YEATS2: variants seen among roughly 807,000 people sequenced by gnomAD.
YEATS2 encodes the protein YEATS domain-containing protein 2.
YEATS2 carries 77 observed loss-of-function variants against 163.2 expected under a neutral mutation model. The observed-to-expected ratio is 0.47, with a 90% CI of 0.39 to 0.57. The LOEUF (loss-of-function observed/expected upper bound fraction) is 0.57, where lower values mean the gene tolerates loss of function less well. Among genes scored for constraint, YEATS2 ranks in the 20% least tolerant of loss-of-function variants. YEATS2 has a pLI of 0.00. For synonymous variants in YEATS2, 631 were observed against 645.1 expected (o/e 0.98, Z 0.33); for missense variants, 1,549 against 1,729.8 (o/e 0.90, Z 1.85).
intron 13 of YEATS2, 84 bp from the exon 14 acceptor site, chr3:183,761,423 C>T: frequency 8.0e-7 from 1 of 1,243,792 alleles, no homozygotes; most frequent in Non-Finnish European, 1.2e-6. Flanking sequence ...GAGAATGTCA[C>T]AGGTTTGTAT....
intron 6 of YEATS2, among the ~76,000 whole-genome samples, chr3:183,725,410 G>C (rs1716981544): frequency 6.6e-6 from 1 of 152,092 alleles, no homozygotes; most frequent in Non-Finnish European, 1.5e-5. Context: ...CATTGTATTA[G>C]TCTGTTTTCA....
chr3:183,808,124 G>A lies in YEATS2; in HGVS notation c.4086+20G>A, dbSNP rs1424485029. 2.6e-6 allele frequency: 4 copies of A among 1,547,528 alleles called. No homozygotes were observed. The highest frequency in any genetic ancestry group is 4.9e-5 in the East Asian group (2 of 40,738). ...CTGAAGGTGGGTGCCTGCAGGGGCC[G>A]CCAGCCAGGAAGGATGGTTGCATCC... On this transcript the variant is annotated intron_variant, in intron 29 of 30. Transcript: ENST00000305135.
At chr3:183,780,408 C>T (rs1168552166) in intron 19 of YEATS2, among the ~76,000 whole-genome samples, 2 of 152,212 alleles carry the variant, frequency 1.3e-5, no homozygotes, top group Non-Finnish European at 2.9e-5. Flanking sequence ...GGCAGATTCT[C>T]CTGGCGTGTC....
intron 13 of YEATS2, among the ~76,000 whole-genome samples, chr3:183,759,728 C>T (rs972008575): frequency 1.4e-4 from 22 of 152,170 alleles, no homozygotes; most frequent in African/African-American, 5.3e-4. Flanking sequence ...ATGCACTTAG[C>T]GAGCCCTCAG....
At chr3:183,736,876 C>A in intron 8 of YEATS2, 47 bp downstream of exon 8, 1 of 1,527,112 alleles carries the variant, frequency 6.5e-7, no homozygotes, top group Non-Finnish European at 9.0e-7. Flanking sequence ...CTCTTTTTAC[C>A]AGCTACAATT....
rs370202265 is a variant in YEATS2 at position 183,790,789 on chromosome 3, G to T, written c.2914-8G>T. On this transcript the variant is annotated splice_region_variant and splice_polypyrimidine_tract_variant and intron_variant, in intron 20 of 30. Coordinates refer to ENST00000305135, the MANE Select transcript of YEATS2 (RefSeq NM_018023.5). Reference sequence around the variant, plus strand: ...AACTGTGTTGTTTCGGACCCCATGGGTGAGCAGTCTGAAGGAATGGCTCCC... The same window carrying T: ...AACTGTGTTGTTTCGGACCCCATGGTTGAGCAGTCTGAAGGAATGGCTCCC... 6.2e-7 allele frequency: 1 copy of T among 1,612,196 alleles called. No individual in the cohort carries two copies. Among genetic ancestry groups the T allele is most frequent in the Non-Finnish European group, 8.5e-7 (1 of 1,178,516 alleles).
intron 21 of YEATS2, among the ~76,000 whole-genome samples, chr3:183,797,544 C>CAATAAATAAATAAATAAATAAATA (rs111590921): frequency 1.4e-5 from 2 of 142,926 alleles, no homozygotes; most frequent in African/African-American, 5.3e-5. Context: ...GTCTCTAACA[C>CAATAAATAAATAAATAAATAAATA]AATAAATAAA....
At chr3:183,728,893 C>G in intron 7 of YEATS2, 42 bp downstream of exon 7, 3 of 1,547,358 alleles carry the variant, frequency 1.9e-6, no homozygotes, top group Non-Finnish European at 2.6e-6. Flanking sequence ...GAAATGCAGA[C>G]TTATTTTTGA....
At chr3:183,789,663 G>A (rs1472369687) in intron 20 of YEATS2, among the ~76,000 whole-genome samples, 6 of 149,496 alleles carry the variant, frequency 4.0e-5, no homozygotes, top group African/African-American at 4.9e-5. Context: ...AGCCTCCTGA[G>A]TAGCTGAGAT....
chr3:183,730,396 G>A (rs943577398), intron 7 of YEATS2, among the ~76,000 whole-genome samples: 1 of 152,042 alleles, frequency 6.6e-6, no homozygotes, highest in Non-Finnish European at 1.5e-5. Context: ...CTGTGGAAGT[G>A]GTTGTTGGTT....
At chr3:183,701,249 T>G (rs1714060359) in intron 1 of YEATS2, among the ~76,000 whole-genome samples, 1 of 151,592 alleles carries the variant, frequency 6.6e-6, no homozygotes, top group Admixed American at 6.6e-5. Context: ...CCTGGCTAAG[T>G]TTTTTTGCTT....
chr3:183,803,465 A>C, intron 26 of YEATS2, 130 bp downstream of exon 26: 8 of 958,556 alleles, frequency 8.3e-6, no homozygotes, highest in Non-Finnish European at 1.2e-5. Flanking sequence ...AAAAAATCTC[A>C]TTTTTCAAAG....
At chr3:183,794,955 A>G (rs984016421) in intron 21 of YEATS2, among the ~76,000 whole-genome samples, 9 of 151,142 alleles carry the variant, frequency 6.0e-5, no homozygotes, top group Admixed American at 2.0e-4. Flanking sequence ...AGATTGCTTG[A>G]GCTTGGGAGT....
chr3:183,799,986 C>T (rs568301219), intron 23 of YEATS2, among the ~76,000 whole-genome samples: 48 of 152,076 alleles, frequency 3.2e-4, no homozygotes, highest in African/African-American at 1.2e-3. Context: ...GCGCCCGCCA[C>T]CACGCCCGGC....
chr3:183,718,377 T>C (rs928609674), intron 3 of YEATS2, 123 bp from the exon 4 acceptor site: 3 of 693,260 alleles, frequency 4.3e-6, no homozygotes, highest in South Asian at 2.2e-5. Context: ...TGTTTTTCTT[T>C]TGATTGTTAG....
At chr3:183,765,375 A>G (rs1372087435) in intron 15 of YEATS2, among the ~76,000 whole-genome samples, 1 of 152,208 alleles carries the variant, frequency 6.6e-6, no homozygotes, top group African/African-American at 2.4e-5. Flanking sequence ...AGTGATGCTG[A>G]ACAACTGTAC....
chr3:183,770,385 C>CA (rs777581437), intron 15 of YEATS2, among the ~76,000 whole-genome samples: 2 of 151,526 alleles, frequency 1.3e-5, no homozygotes, highest in South Asian at 2.1e-4. Flanking sequence ...CAAAAAAAAA[C>CA]AAAAAACAAA....
At chr3:183,743,626 G>A (rs1039459590) in intron 8 of YEATS2, among the ~76,000 whole-genome samples, 3 of 152,000 alleles carry the variant, frequency 2.0e-5, no homozygotes, top group Non-Finnish European at 2.9e-5. Flanking sequence ...CATTAGAGGC[G>A]TGAACCACCT....
At position 183,806,824 on chromosome 3, in the gene YEATS2, T is replaced by C. The variant is rs745714368; in HGVS notation, c.3785-42T>C. On this transcript the variant is annotated intron_variant, in intron 27 of 30. Transcript: ENST00000305135. ...CTTGGAGACGGAAAGTCCTCTTCCG[T>C]TGGCCCCACAGCTGTTGTAACACTG... 5 of 1,607,202 alleles carry C rather than the reference T, an allele frequency of 3.1e-6. No homozygotes were observed. In the South Asian group the frequency reaches 5.5e-5, roughly 18 times the overall value.
Sources: allele counts gnomAD v4.1 joint callset (sites outside exome capture counted in the v4.1 genomes callset), GRCh38; gene constraint gnomAD v4.1.1; transcripts MANE v1.5; gene names NCBI Gene and HGNC (gene_info 2026-07-23, HGNC 2026-07-21).